PAPOLA: variants seen among roughly 807,000 people sequenced by gnomAD.
PAPOLA encodes the protein polynucleotide adenylyltransferase alpha.
Under a neutral mutation model 100.6 loss-of-function variants are expected in PAPOLA, and 15 were observed. That is an observed-to-expected ratio of 0.15 (90% confidence interval 0.10 to 0.23). The LOEUF (loss-of-function observed/expected upper bound fraction) is 0.23. Ranked by LOEUF, PAPOLA falls within the 10% of genes least tolerant of loss-of-function variation. The pLI is 1.00. For missense variants in PAPOLA, 533 were observed against 884.2 expected (o/e 0.60, Z 5.04); for synonymous variants, 293 against 300.0 (o/e 0.98, Z 0.24).
At chr14:96,532,477 C>G in intron 8 of PAPOLA, 34 bp from the exon 9 acceptor site, 2 of 1,606,374 alleles carry the variant, frequency 1.2e-6, no homozygotes, top group Admixed American at 1.7e-5. Context: ...TTGTTCAACA[C>G]TAACTTATCT....
chr14:96,525,178 A>T, intron 3 of PAPOLA, 132 bp from the exon 4 acceptor site: 1 of 574,376 alleles, frequency 1.7e-6, no homozygotes, highest in Non-Finnish European at 3.1e-6. Context: ...GAACTTTTAT[A>T]GACTTTGAAT....
chr14:96,533,171 G>C, intron 9 of PAPOLA: 4 of 984,088 alleles, frequency 4.1e-6, no homozygotes, highest in Non-Finnish European at 4.8e-6. Context: ...CATTAACCCA[G>C]ATTTTTTTAA....
intron 21 of PAPOLA, 117 bp downstream of exon 21, chr14:96,563,010 T>C: frequency 1.6e-6 from 1 of 629,916 alleles, no homozygotes; most frequent in South Asian, 2.0e-5. Context: ...TGAAAGTAAT[T>C]ACTTGCTAGC....
intron 1 of PAPOLA, among the ~76,000 whole-genome samples, chr14:96,512,039 T>C (rs1290565950): frequency 1.3e-5 from 2 of 152,242 alleles, no homozygotes; most frequent in African/African-American, 4.8e-5. Flanking sequence ...TGCCCCTTGC[T>C]GCCATTATAG....
intron 4 of PAPOLA, 21 bp downstream of exon 4, chr14:96,525,412 C>T: frequency 1.0e-6 from 1 of 984,234 alleles, no homozygotes; most frequent in Non-Finnish European, 1.6e-6. Flanking sequence ...TTTCATTTTT[C>T]TTAGAAAGGG....
chr14:96,551,637 G>A lies in PAPOLA; in HGVS notation c.1522-843G>A, dbSNP rs180801245. The stretch of plus-strand genomic sequence containing the variant: ...CATTAAAATGTTTCTGTAGGTAAGT[G>A]AACACAGGCTAAACATTCTGGAAAA... On this transcript the variant is annotated intron_variant, in intron 16 of 21. Coordinates refer to ENST00000216277, the MANE Select transcript of PAPOLA (RefSeq NM_032632.5). Among the ~76,000 whole-genome samples, 5 of 152,184 alleles carry A rather than the reference G, an allele frequency of 3.3e-5. No individual in the cohort carries two copies. The East Asian group carries it at 9.6e-4, about 29-fold the overall frequency.
chr14:96,536,050 A>G (rs773561075), intron 11 of PAPOLA, 51 bp downstream of exon 11: 2 of 1,372,786 alleles, frequency 1.5e-6, no homozygotes, highest in Admixed American at 4.7e-5. Context: ...TTTACGTACC[A>G]TTGTAGACCC....
At position 96,502,566 on chromosome 14, in the gene PAPOLA, G is replaced by C. The variant is rs1896357665; in HGVS notation, c.-27G>C. On this transcript the variant is annotated 5_prime_UTR_variant, in exon 1 of 22. An upstream open reading frame in the 5' UTR loses its in-frame stop. Transcript: ENST00000216277. ...GCGGCGGCGGTTGCGGGGGGGAAGTGACTGGGCGGTGCCGGCGCCGGAGAC... is the reference window on the plus strand; with the variant it reads ...GCGGCGGCGGTTGCGGGGGGGAAGTCACTGGGCGGTGCCGGCGCCGGAGAC... 1 of 1,548,820 alleles carries C rather than the reference G, an allele frequency of 6.5e-7. No homozygotes were observed. Among genetic ancestry groups the C allele is most frequent in the African/African-American group, 1.4e-5 (1 of 71,424 alleles).
intron 12 of PAPOLA, chr14:96,537,841 G>GT (rs2140296253): frequency 6.6e-6 from 1 of 151,704 alleles, no homozygotes; most frequent in East Asian, 1.9e-4. Flanking sequence ...ATTGTGTTTT[G>GT]TAATAATCTA....
intron 9 of PAPOLA, 123 bp from the exon 10 acceptor site, chr14:96,534,368 G>T (rs1899336774): frequency 7.4e-6 from 11 of 1,494,762 alleles, no homozygotes; most frequent in Non-Finnish European, 9.8e-6. Flanking sequence ...GGATTAAAAC[G>T]TTGTATGTAC....
chr14:96,510,489 G>A (rs74090355), intron 1 of PAPOLA, among the ~76,000 whole-genome samples: 5,539 of 151,082 alleles, frequency 0.037, 152 homozygotes, highest in African/African-American at 0.075. Flanking sequence ...GCGCGCGTGC[G>A]CTTGTGCGCA....
At chr14:96,554,610 AAG>A (rs898412749) in intron 17 of PAPOLA, among the ~76,000 whole-genome samples, 14 of 151,804 alleles carry the variant, frequency 9.2e-5, no homozygotes, top group African/African-American at 3.4e-4. Flanking sequence ...GAGAGAGAGA[AAG>A]AGAGACAGAC....
intron 10 of PAPOLA, chr14:96,534,815 T>G: frequency 8.0e-7 from 1 of 1,251,414 alleles, no homozygotes; most frequent in Non-Finnish European, 1.0e-6. Context: ...TTTTAATTTA[T>G]TCTATATAGA....
intron 19 of PAPOLA, 126 bp from the exon 20 acceptor site, chr14:96,560,523 T>A (rs1901751275): frequency 1.5e-6 from 1 of 668,024 alleles, no homozygotes; most frequent in South Asian, 1.8e-5. Flanking sequence ...TTATCTATTT[T>A]AAGGCTGTAG....
intron 16 of PAPOLA, among the ~76,000 whole-genome samples, chr14:96,548,216 G>A (rs1260483567): frequency 6.6e-6 from 1 of 152,014 alleles, no homozygotes; most frequent in East Asian, 1.9e-4. Flanking sequence ...TCCCACACCA[G>A]TATTTAATTT....
rs754573445 is a variant in PAPOLA, at chr14:96,542,299, G to A, written c.1169+3G>A. On this transcript the variant is annotated splice_donor_region_variant and intron_variant, in intron 13 of 21. Transcript: ENST00000216277. ...ACAGAAAAACAACGCCTGGAATGGT[G>A]AGTATAAGAATAGACTTTACAGAAA... is the stretch of plus-strand genomic sequence containing the variant. 15 of 1,579,640 alleles carry A rather than the reference G, an allele frequency of 9.5e-6. No homozygotes were observed. In the African/African-American group the frequency reaches 2.0e-4, roughly 21 times the overall value.
At chr14:96,508,233 C>G (rs575229134) in intron 1 of PAPOLA, among the ~76,000 whole-genome samples, 8 of 152,120 alleles carry the variant, frequency 5.3e-5, no homozygotes, top group Non-Finnish European at 1.2e-4. Flanking sequence ...CCCACCCCAA[C>G]CGTCTGTGAT....
At chr14:96,547,330 TAGAA>T (rs1900471409) in intron 15 of PAPOLA, among the ~76,000 whole-genome samples, 1 of 152,272 alleles carries the variant, frequency 6.6e-6, no homozygotes, top group African/African-American at 2.4e-5. Flanking sequence ...ATTACTATAT[TAGAA>T]AGTATGTCAT....
At chr14:96,556,795 A>C (rs1414091515) in intron 19 of PAPOLA, among the ~76,000 whole-genome samples, 4 of 152,178 alleles carry the variant, frequency 2.6e-5, no homozygotes, top group Middle Eastern at 3.4e-3. Flanking sequence ...ATCCAAAAGG[A>C]GTTTTGGAGT....
Sources: allele counts gnomAD v4.1 joint callset (sites outside exome capture counted in the v4.1 genomes callset), GRCh38; gene constraint gnomAD v4.1.1; transcripts MANE v1.5; gene names NCBI Gene and HGNC (gene_info 2026-07-23, HGNC 2026-07-21).